The following SSBP2 variants were observed in gnomAD, a reference collection of about 807,000 sequenced individuals.
SSBP2 encodes the protein single stranded DNA binding protein 2, also known as single-stranded DNA-binding protein 2.
SSBP2 carries 17 observed loss-of-function variants against 61.8 expected under a neutral mutation model. The ratio of observed to expected loss-of-function variants is 0.28; its 90% CI spans 0.19 to 0.41. The LOEUF is 0.41. SSBP2 is among the 10% of genes least tolerant of loss of function. SSBP2 has a pLI of 1.00. For synonymous variants in SSBP2, 139 were observed against 141.3 expected, an observed-to-expected ratio of 0.98 and a Z score of 0.12; for missense variants, 310 against 458.7, an observed-to-expected ratio of 0.68 and a Z score of 2.96.
intron 4 of SSBP2, among the ~76,000 whole-genome samples, chr5:81,572,642 A>G (rs1376162852): frequency 6.6e-6 from 1 of 152,194 alleles, no homozygotes; most frequent in Non-Finnish European, 1.5e-5. Context: ...AGAGGTATAT[A>G]GAAAAACCTT....
At chr5:81,692,658 C>A (rs1476125280) in intron 1 of SSBP2, among the ~76,000 whole-genome samples, 1 of 150,912 alleles carries the variant, frequency 6.6e-6, no homozygotes, top group South Asian at 2.1e-4. Context: ...TAAAAACAGA[C>A]ACACAGACCA....
intron 15 of SSBP2, among the ~76,000 whole-genome samples, chr5:81,432,644 G>C (rs554551094): frequency 6.6e-6 from 1 of 152,262 alleles, no homozygotes; most frequent in Non-Finnish European, 1.5e-5. Flanking sequence ...TACTCGGGAG[G>C]CTGAGGCAGG....
intron 1 of SSBP2, among the ~76,000 whole-genome samples, chr5:81,666,634 TTATC>T (rs1173456587): frequency 6.6e-6 from 1 of 152,190 alleles, no homozygotes; most frequent in Non-Finnish European, 1.5e-5. Flanking sequence ...TTATAAATAA[TTATC>T]TATAGAGTTT....
At chr5:81,640,766 T>C (rs1449988378) in intron 2 of SSBP2, among the ~76,000 whole-genome samples, 1 of 152,122 alleles carries the variant, frequency 6.6e-6, no homozygotes, top group African/African-American at 2.4e-5. Flanking sequence ...AAAACTCTGA[T>C]GTCCTGCTAA....
intron 6 of SSBP2, among the ~76,000 whole-genome samples, chr5:81,488,010 AATATATAT>A (rs59039206): frequency 0.014 from 552 of 38,694 alleles, 10 homozygotes; most frequent in Middle Eastern, 0.044. Flanking sequence ...ATGGCCAAAT[AATATATAT>A]ATATATATAT....
chr5:81,680,787 A>G (rs1268114700), intron 1 of SSBP2, among the ~76,000 whole-genome samples: 1 of 152,186 alleles, frequency 6.6e-6, no homozygotes, highest in African/African-American at 2.4e-5. Flanking sequence ...ATAGAACTAC[A>G]AGGAGAAATA....
chr5:81,498,876 C>T (rs956478925), intron 5 of SSBP2, among the ~76,000 whole-genome samples: 4 of 151,976 alleles, frequency 2.6e-5, no homozygotes, highest in African/African-American at 7.2e-5. Flanking sequence ...TAAGAATGTT[C>T]ACATATTTTT....
rs544887745 is a variant in SSBP2 at position 81,434,274 on chromosome 5, A to T, written c.957+3156T>A. On this transcript the variant is annotated intron_variant, in intron 15 of 16. Coordinates refer to ENST00000320672, the MANE Select transcript of SSBP2 (RefSeq NM_012446.5). Reference sequence around the variant, plus strand: ...TTAAAATGGAGTAAATTTTTTTTTTAAAAATATGTGATACTGGTGCTTGAC... The same window carrying T: ...TTAAAATGGAGTAAATTTTTTTTTTTAAAATATGTGATACTGGTGCTTGAC... 5.2e-3 allele frequency among the ~76,000 whole-genome samples: 785 copies of T among 152,038 alleles called. 10 individuals carry two copies. Among genetic ancestry groups the T allele is most frequent in the South Asian group, 0.04 (194 of 4,812 alleles).
At chr5:81,735,776 C>T (rs1035712665) in intron 1 of SSBP2, among the ~76,000 whole-genome samples, 3 of 152,032 alleles carry the variant, frequency 2.0e-5, no homozygotes, top group African/African-American at 7.2e-5. Context: ...TCCCTATTGA[C>T]AGAGCAAAAT....
chr5:81,623,422 G>T (rs1210387107), intron 3 of SSBP2, among the ~76,000 whole-genome samples: 1 of 142,082 alleles, frequency 7.0e-6, no homozygotes, highest in Non-Finnish European at 1.5e-5. Context: ...TGCAAGCTCT[G>T]CCTCCCGGGT....
chr5:81,666,317 GAAC>G (rs1350397029), intron 1 of SSBP2, among the ~76,000 whole-genome samples: 2 of 152,050 alleles, frequency 1.3e-5, no homozygotes, highest in Admixed American at 1.3e-4. Context: ...TAATGTTCTA[GAAC>G]AGGAATAATT....
At chr5:81,510,159 A>C (rs2154080142) in intron 5 of SSBP2, among the ~76,000 whole-genome samples, 1 of 152,160 alleles carries the variant, frequency 6.6e-6, no homozygotes, top group Non-Finnish European at 1.5e-5. Context: ...TGGCCCTGCA[A>C]TTTTTATCTC....
chr5:81,483,065 T>C (rs1000361144), intron 6 of SSBP2, among the ~76,000 whole-genome samples: 1 of 152,114 alleles, frequency 6.6e-6, no homozygotes, highest in Non-Finnish European at 1.5e-5. Flanking sequence ...GGTGGAGCAG[T>C]CAGAACATAC....
At chr5:81,740,458 G>A (rs1387218175) in intron 1 of SSBP2, among the ~76,000 whole-genome samples, 1 of 151,740 alleles carries the variant, frequency 6.6e-6, no homozygotes, top group Non-Finnish European at 1.5e-5. Flanking sequence ...ATAAAACAAA[G>A]AAATTATTTC....
intron 6 of SSBP2, among the ~76,000 whole-genome samples, chr5:81,485,036 C>T (rs1766277824): frequency 6.6e-6 from 1 of 152,032 alleles, no homozygotes; most frequent in Non-Finnish European, 1.5e-5. Context: ...GTATTTCGGG[C>T]TGTCTTGATT....
At chr5:81,683,094 A>G (rs1215761950) in intron 1 of SSBP2, among the ~76,000 whole-genome samples, 1 of 152,182 alleles carries the variant, frequency 6.6e-6, no homozygotes, top group Non-Finnish European at 1.5e-5. Context: ...TTTCCAACTT[A>G]ATCTATAGAG....
intron 5 of SSBP2, among the ~76,000 whole-genome samples, chr5:81,506,562 A>G (rs1768197409): frequency 6.6e-6 from 1 of 152,166 alleles, no homozygotes; most frequent in African/African-American, 2.4e-5. Flanking sequence ...GTACTTTCTG[A>G]GACTAATTTC....
At position 81,600,901 on chromosome 5, in the gene SSBP2, A is replaced by G. The variant is rs112639811; in HGVS notation, c.282+14572T>C. On this transcript the variant is annotated intron_variant, in intron 4 of 16. Transcript: ENST00000320672. ...AGAAATGCCTTCTTTATAACTTTTCAGATTTGGTTACCTTTGACTGAATAT... is the reference window on the plus strand; with the variant it reads ...AGAAATGCCTTCTTTATAACTTTTCGGATTTGGTTACCTTTGACTGAATAT... Among the ~76,000 whole-genome samples, 750 of 152,308 alleles carry G rather than the reference A, an allele frequency of 4.9e-3. 9 individuals carry two copies. Among genetic ancestry groups the G allele is most frequent in the African/African-American group, 0.015 (633 of 41,568 alleles).
chr5:81,440,469 T>A (rs896994456), intron 14 of SSBP2, 89 bp downstream of exon 14: 7 of 1,067,380 alleles, frequency 6.6e-6, no homozygotes, highest in Non-Finnish European at 9.8e-6. Flanking sequence ...TAGCTGGCTA[T>A]GGAAGAACTT....
Sources: gnomAD v4.1 joint callset for allele counts (sites outside exome capture counted in the v4.1 genomes callset) on GRCh38, gnomAD v4.1.1 for gene constraint, MANE v1.5 for transcripts, NCBI Gene and HGNC (gene_info 2026-07-23, HGNC 2026-07-21) for gene names.